ARRDC5: variants seen among roughly 807,000 people sequenced by gnomAD.
ARRDC5 encodes the protein arrestin domain containing 5.
A neutral mutation model predicts 13.3 loss-of-function variants in ARRDC5; 12 were observed. That is an observed-to-expected ratio of 0.90 (90% CI 0.58 to 1.46). ARRDC5 has a LOEUF of 1.46. Ranked by LOEUF, ARRDC5 falls within the 40% of genes most tolerant of loss-of-function variation. ARRDC5 has a pLI of 0.00. For synonymous variants in ARRDC5, 181 were observed against 173.4 expected (o/e 1.04, Z -0.34); for missense variants, 406 against 418.7 (o/e 0.97, Z 0.26).
At chr19:4,904,849 A>G (rs1475309731), upstream of ARRDC5, among the ~76,000 whole-genome samples, 1 of 152,182 alleles carries the variant, frequency 6.6e-6, no homozygotes, top group Non-Finnish European at 1.5e-5. Flanking sequence ...CACTCTAACA[A>G]TTATTCCTGG....
chr19:4,907,820 C>T (rs1014805304), upstream of ARRDC5, among the ~76,000 whole-genome samples: 1 of 146,530 alleles, frequency 6.8e-6, no homozygotes, highest in African/African-American at 2.5e-5. Context: ...TCAAGCGATT[C>T]TCCTGCCTCA....
chr19:4,899,764 CA>C (rs1217500792), intron 1 of ARRDC5, among the ~76,000 whole-genome samples: 2,289 of 67,860 alleles, frequency 0.034, 27 homozygotes, highest in African/African-American at 0.076. Context: ...CCCGTCTCTA[CA>C]AAAAAAAAAA....
the ARRDC5 span, chr19:4,909,465 A>G: frequency 1.5e-6 from 1 of 654,454 alleles, no homozygotes; most frequent in Non-Finnish European, 2.8e-6. Context: ...GCGGCCCCGC[A>G]ACTCCCAAAT....
chr19:4,892,383 C>T (rs536356281), intron 2 of ARRDC5, among the ~76,000 whole-genome samples: 10 of 145,640 alleles, frequency 6.9e-5, no homozygotes, highest in Admixed American at 2.9e-4. Context: ...GCCACTGCAT[C>T]CAGCATTTTT....
At chr19:4,909,278 C>A in the ARRDC5 span, 2 of 531,768 alleles carry the variant, frequency 3.8e-6, no homozygotes. Context: ...GGCCCTGCCA[C>A]GCAGCCCCTT....
the ARRDC5 span, chr19:4,910,868 C>T: frequency 1.3e-6 from 2 of 1,595,506 alleles, no homozygotes; most frequent in African/African-American, 1.3e-5. Flanking sequence ...TGCTGTCCCT[C>T]CCCTCAGCGC....
Position 4,902,724 on chromosome 19 carries a change from G to T in ARRDC5, c.102C>A (p.Thr34=). The change falls in exon 1 of 3, where the codon ACC becomes ACA. Residue 34 remains threonine (T), a synonymous_variant. Transcript: ENST00000650722. ...CCACCTTCACTATGGGGTCCACCAG[G>T]GTGCTGTTCAGGGTTAAGATCACCT... is the stretch of plus-strand genomic sequence containing the variant. ...KGQVILTLNS[T]LVDPIVKVEL... is the part of the protein sequence containing the mutation. The T allele has an allele frequency of 6.2e-7, 1 of 1,613,950 alleles. No homozygotes were observed. The highest frequency in any genetic ancestry group is 2.2e-5 in the East Asian group (1 of 44,872).
the ARRDC5 span, among the ~76,000 whole-genome samples, chr19:4,913,025 G>T: frequency 2.4e-4 from 37 of 152,084 alleles, no homozygotes; most frequent in African/African-American, 8.2e-4. Flanking sequence ...AAGTTTTGGG[G>T]TTACAGGCGT....
chr19:4,890,553 C>T lies in ARRDC5; in HGVS notation c.*493G>A. On this transcript the variant is annotated 3_prime_UTR_variant, in exon 3 of 3. Transcript: ENST00000650722. Reference sequence around the variant, plus strand: ...GATTACAGGAATGAGCCACCATGCTCAGCCCCCTTGGTACTGTTGACATTC... The same window carrying T: ...GATTACAGGAATGAGCCACCATGCTTAGCCCCCTTGGTACTGTTGACATTC... 1 of 158,394 alleles carries T rather than the reference C, an allele frequency of 6.3e-6. No individual in the cohort carries two copies. Among genetic ancestry groups the T allele is most frequent in the Non-Finnish European group, 1.4e-5 (1 of 71,666 alleles). The allele number at this position is 158,394 out of a possible 1,614,324, so 9.8% of individuals were successfully genotyped here.
intron 1 of ARRDC5, among the ~76,000 whole-genome samples, chr19:4,899,764 CAAAA>C (rs1217500792): frequency 0.13 from 9,020 of 67,980 alleles, 451 homozygotes; most frequent in Admixed American, 0.28. Flanking sequence ...CCCGTCTCTA[CAAAA>C]AAAAAAAAAA....
At chr19:4,914,923 C>T in the ARRDC5 span, among the ~76,000 whole-genome samples, 1 of 152,156 alleles carries the variant, frequency 6.6e-6, no homozygotes, top group Admixed American at 6.6e-5. Flanking sequence ...TCTCTTAGCA[C>T]AGGGCCTGTC....
At chr19:4,905,636 G>C (rs1024619309), upstream of ARRDC5, among the ~76,000 whole-genome samples, 2 of 151,972 alleles carry the variant, frequency 1.3e-5, no homozygotes, top group African/African-American at 2.4e-5. Flanking sequence ...TTCTGCCTCT[G>C]CCTCCCGAGT....
At chr19:4,894,304 G>T (rs531931248) in intron 2 of ARRDC5, among the ~76,000 whole-genome samples, 2 of 151,322 alleles carry the variant, frequency 1.3e-5, no homozygotes, top group African/African-American at 4.8e-5. Flanking sequence ...AAGGTCAGGA[G>T]ATCGAGACCA....
chr19:4,914,092 C>G, the ARRDC5 span, among the ~76,000 whole-genome samples: 1 of 152,030 alleles, frequency 6.6e-6, no homozygotes, highest in East Asian at 1.9e-4. Flanking sequence ...TCCCAAAGTG[C>G]TGGGATTAGA....
chr19:4,907,704 CTTTTTTTTT>C (rs59867968), upstream of ARRDC5, among the ~76,000 whole-genome samples: 2 of 47,670 alleles, frequency 4.2e-5, no homozygotes, highest in Admixed American at 2.7e-4. Flanking sequence ...TTGGCCTGAT[CTTTTTTTTT>C]TTTTTTTTTT....
chr19:4,915,593 G>A, the ARRDC5 span, among the ~76,000 whole-genome samples: 1 of 152,102 alleles, frequency 6.6e-6, no homozygotes, highest in South Asian at 2.1e-4. Flanking sequence ...CATGTCTGTA[G>A]TTCCACTTAG....
rs754544978 is a variant in ARRDC5 at position 4,896,743 on chromosome 19, G to C, written c.387C>G (p.His129Gln). 121 of 1,613,792 alleles carry C rather than the reference G, an allele frequency of 7.5e-5. 1 individual carries two copies. In the Middle Eastern group the frequency reaches 9.9e-4, roughly 13 times the overall value. ...AGTACATCCTCTTCTTGGCTAAAAT[G>C]TGTTCCCTGCCCATGCAGGAAGCTT... ...FVQASCMGRE[H>Q]ILAKKRMYLL... Residue 129 changes from histidine (H) to glutamine (Q), a missense_variant, in exon 2 of 3, where the codon CAC becomes CAG. Coordinates refer to ENST00000650722, the MANE Select transcript of ARRDC5 (RefSeq NM_001080523.3).
intron 2 of ARRDC5, among the ~76,000 whole-genome samples, chr19:4,895,960 T>A (rs2031695449): frequency 1.3e-5 from 2 of 152,338 alleles, no homozygotes; most frequent in South Asian, 4.1e-4. Flanking sequence ...ATGTCCCTTA[T>A]GGGGATAAAA....
chr19:4,902,503 C>T, intron 1 of ARRDC5, 70 bp downstream of exon 1: 2 of 1,464,718 alleles, frequency 1.4e-6, no homozygotes, highest in African/African-American at 1.4e-5. Context: ...TTGATTGACT[C>T]TCGGATGTGT....
Sources: allele counts gnomAD v4.1 joint callset (sites outside exome capture counted in the v4.1 genomes callset), GRCh38; gene constraint gnomAD v4.1.1; transcripts MANE v1.5; gene names NCBI Gene and HGNC (gene_info 2026-07-23, HGNC 2026-07-21).